SLC24A2: variants seen among roughly 807,000 people sequenced by gnomAD.
The protein encoded by SLC24A2 is solute carrier family 24 member 2.
SLC24A2 carries 36 observed loss-of-function variants against 62.0 expected under a neutral mutation model. The ratio of observed to expected loss-of-function variants is 0.58; its 90% CI spans 0.44 to 0.77. The LOEUF (loss-of-function observed/expected upper bound fraction) is 0.77. SLC24A2 is among the 30% of genes least tolerant of loss of function. The probability of loss-of-function intolerance (pLI) is 0.00; values close to 1 mark genes in which losing one functional copy is unlikely to be tolerated. For synonymous variants in SLC24A2, 358 were observed against 294.0 expected (o/e 1.22, Z -2.23); for missense variants, 846 against 817.9 (o/e 1.03, Z -0.42).
At chr9:19,768,590 T>C (rs1267982096) in intron 2 of SLC24A2, among the ~76,000 whole-genome samples, 2 of 152,156 alleles carry the variant, frequency 1.3e-5, no homozygotes, top group African/African-American at 4.8e-5. Flanking sequence ...ATCTACAGCG[T>C]GGATACCCTA....
At chr9:19,624,245 A>G (rs1483978128) in intron 2 of SLC24A2, among the ~76,000 whole-genome samples, 1 of 152,208 alleles carries the variant, frequency 6.6e-6, no homozygotes, top group African/African-American at 2.4e-5. Context: ...CAGTTAACAA[A>G]TTTACACCTT....
chr9:19,624,390 G>A (rs1817982289), intron 2 of SLC24A2, among the ~76,000 whole-genome samples: 1 of 151,954 alleles, frequency 6.6e-6, no homozygotes, highest in South Asian at 2.1e-4. Context: ...CCAGCTGAGA[G>A]TTTGAATTTT....
chr9:19,733,183 T>C (rs139152615), intron 2 of SLC24A2, among the ~76,000 whole-genome samples: 184 of 152,150 alleles, frequency 1.2e-3, no homozygotes, highest in East Asian at 5.4e-3. Flanking sequence ...TGAGTCTCAA[T>C]GATGGGGAGA....
chr9:19,937,752 T>C, the SLC24A2 span, among the ~76,000 whole-genome samples: 1 of 152,236 alleles, frequency 6.6e-6, no homozygotes, highest in Non-Finnish European at 1.5e-5. Flanking sequence ...TATATTTACA[T>C]ATACACATTT....
At chr9:19,794,285 C>G in the SLC24A2 span, among the ~76,000 whole-genome samples, 1 of 151,554 alleles carries the variant, frequency 6.6e-6, no homozygotes, top group African/African-American at 2.4e-5. Context: ...GCAATACCAG[C>G]TCAGCTTCAT....
At chr9:20,136,447 A>C in the SLC24A2 span, among the ~76,000 whole-genome samples, 1 of 152,138 alleles carries the variant, frequency 6.6e-6, no homozygotes, top group Non-Finnish European at 1.5e-5. Context: ...AACCCAAAAA[A>C]ATCATTCCAC....
chr9:20,199,051 G>C, the SLC24A2 span, among the ~76,000 whole-genome samples: 1 of 152,176 alleles, frequency 6.6e-6, no homozygotes, highest in Non-Finnish European at 1.5e-5. Context: ...TAGGGGACAA[G>C]GATGTATGGA....
chr9:19,520,769 C>T lies in SLC24A2; in HGVS notation c.1736+125G>A, dbSNP rs533041687. 18 of 867,908 alleles carry T rather than the reference C, an allele frequency of 2.1e-5. No individual in the cohort carries two copies. The South Asian group carries it at 2.2e-4, about 11-fold the overall frequency. 53.8% of individuals were successfully genotyped at this position (867,908 alleles called of 1,614,324 possible). ...GGGGAAATGCAATGGTATTCTCAATCTTTACTCTGTATTGGTATTGGTTAG... is the reference window on the plus strand; with the variant it reads ...GGGGAAATGCAATGGTATTCTCAATTTTTACTCTGTATTGGTATTGGTTAG... On this transcript the variant is annotated intron_variant, in intron 10 of 10. Coordinates refer to ENST00000341998, the MANE Select transcript of SLC24A2 (RefSeq NM_020344.4).
chr9:19,694,450 G>A (rs996959034), intron 2 of SLC24A2, among the ~76,000 whole-genome samples: 3 of 151,858 alleles, frequency 2.0e-5, no homozygotes, highest in Non-Finnish European at 4.4e-5. Context: ...AAATTCTATC[G>A]AGGACTTATA....
chr9:19,996,224 G>A, the SLC24A2 span, among the ~76,000 whole-genome samples: 1 of 152,166 alleles, frequency 6.6e-6, no homozygotes, highest in African/African-American at 2.4e-5. Flanking sequence ...TGATTTTACT[G>A]TTCAGGGTAA....
the SLC24A2 span, among the ~76,000 whole-genome samples, chr9:19,808,920 T>C: frequency 2.0e-5 from 3 of 152,234 alleles, no homozygotes; most frequent in African/African-American, 7.2e-5. The surrounding 1 kb of genome is among the most constrained non-coding windows in gnomAD (Gnocchi z 4.1). Context: ...CCATTTAAAA[T>C]GTTTTCTTAC....
chr9:19,630,997 A>T (rs1818163418), intron 2 of SLC24A2, among the ~76,000 whole-genome samples: 1 of 152,138 alleles, frequency 6.6e-6, no homozygotes, highest in South Asian at 2.1e-4. Context: ...CTACTTCCAC[A>T]TTCCATTTCC....
At chr9:20,249,038 CAA>C in the SLC24A2 span, among the ~76,000 whole-genome samples, 1 of 152,140 alleles carries the variant, frequency 6.6e-6, no homozygotes, top group Non-Finnish European at 1.5e-5. Context: ...ATTCTCAAGA[CAA>C]AGACGATGAA....
the SLC24A2 span, among the ~76,000 whole-genome samples, chr9:19,975,730 G>A: frequency 6.6e-6 from 1 of 151,922 alleles, no homozygotes; most frequent in Non-Finnish European, 1.5e-5. Flanking sequence ...CATTTGGGTT[G>A]GAGACTTTTT....
the SLC24A2 span, among the ~76,000 whole-genome samples, chr9:19,921,687 C>T: frequency 1.3e-5 from 2 of 152,164 alleles, no homozygotes; most frequent in South Asian, 2.1e-4. Context: ...GAATGCATTT[C>T]GGTAAAGTTT....
intron 2 of SLC24A2, among the ~76,000 whole-genome samples, chr9:19,703,282 G>A (rs2118540185): frequency 6.6e-6 from 1 of 152,288 alleles, no homozygotes; most frequent in East Asian, 1.9e-4. Context: ...GAGATTACAT[G>A]ACTTATTTCT....
chr9:20,007,363 T>C, the SLC24A2 span, among the ~76,000 whole-genome samples: 1 of 152,054 alleles, frequency 6.6e-6, no homozygotes, highest in East Asian at 1.9e-4. Context: ...GGTGAAAAGG[T>C]GCATTGATTA....
the SLC24A2 span, among the ~76,000 whole-genome samples, chr9:19,993,827 C>A: frequency 2.6e-5 from 4 of 152,150 alleles, no homozygotes; most frequent in African/African-American, 4.8e-5. Context: ...AGTAACAGAG[C>A]CTTGAACTTC....
At chr9:19,686,012 C>G (rs188547859) in intron 2 of SLC24A2, among the ~76,000 whole-genome samples, 1 of 152,166 alleles carries the variant, frequency 6.6e-6, no homozygotes, top group Admixed American at 6.5e-5. Flanking sequence ...TATTCACAAA[C>G]TAAGCATTCA....
Sources: allele counts gnomAD v4.1 joint callset (sites outside exome capture counted in the v4.1 genomes callset), GRCh38; gene constraint gnomAD v4.1.1; non-coding constraint Gnocchi (gnomAD v3.1); transcripts MANE v1.5; gene names NCBI Gene and HGNC (gene_info 2026-07-23, HGNC 2026-07-21).